The following PAX3 variants were observed in gnomAD, a reference collection of about 807,000 sequenced individuals.
PAX3 encodes the protein paired box protein Pax-3.
PAX3 carries 14 observed loss-of-function variants against 51.6 expected under a neutral mutation model. The observed-to-expected ratio is 0.27, with a 90% confidence interval of 0.18 to 0.42. PAX3 has a LOEUF of 0.42. PAX3 is among the 10% of genes least tolerant of loss of function. PAX3 has a pLI of 1.00. For synonymous variants in PAX3, 280 were observed against 253.4 expected (o/e 1.11, Z -1.00); for missense variants, 540 against 642.8 (o/e 0.84, Z 1.73).
At chr2:222,262,026 T>C (rs1693880388) in intron 4 of PAX3, among the ~76,000 whole-genome samples, 1 of 152,214 alleles carries the variant, frequency 6.6e-6, no homozygotes, top group Admixed American at 6.5e-5. Context: ...GCAGTTACTG[T>C]TCTAATTTCT....
At chr2:222,247,705 G>C (rs1291803452) in intron 4 of PAX3, among the ~76,000 whole-genome samples, 3 of 152,088 alleles carry the variant, frequency 2.0e-5, no homozygotes, top group Non-Finnish European at 2.9e-5. Flanking sequence ...ATGGTAGCTA[G>C]AGTCCTCCTA....
chr2:222,292,997 A>T (rs1695099400), intron 4 of PAX3, among the ~76,000 whole-genome samples: 1 of 152,204 alleles, frequency 6.6e-6, no homozygotes, highest in South Asian at 2.1e-4. Flanking sequence ...CAGGAGAGCC[A>T]CTGGCTGCCA....
chr2:222,258,256 T>C (rs1342102449), intron 4 of PAX3, among the ~76,000 whole-genome samples: 1 of 152,118 alleles, frequency 6.6e-6, no homozygotes. Context: ...GCCTCAATTA[T>C]TTCATCTGCA....
chr2:222,256,955 T>C (rs1430663), intron 4 of PAX3, among the ~76,000 whole-genome samples: 17,440 of 152,246 alleles, frequency 0.11, 1,221 homozygotes, highest in East Asian at 0.32. Context: ...GATAGTTTTG[T>C]ACAATAAAGC....
intron 5 of PAX3, among the ~76,000 whole-genome samples, chr2:222,223,220 G>A (rs942436231): frequency 5.3e-5 from 8 of 152,068 alleles, no homozygotes; most frequent in African/African-American, 1.2e-4. Flanking sequence ...GTCTTCTCTC[G>A]CCATTGTTGC....
chr2:222,210,568 T>C (rs923053213), intron 7 of PAX3, among the ~76,000 whole-genome samples: 2 of 152,164 alleles, frequency 1.3e-5, no homozygotes, highest in Non-Finnish European at 2.9e-5. Flanking sequence ...CCTAGCCCCA[T>C]GGAATAAAGG....
At chr2:222,218,958 A>G (rs1692078527) in intron 7 of PAX3, among the ~76,000 whole-genome samples, 1 of 152,240 alleles carries the variant, frequency 6.6e-6, no homozygotes, top group South Asian at 2.1e-4. Context: ...CCGGCTTTGA[A>G]CTTTTCAGCT....
At chr2:222,242,055 AT>A (rs2106111759) in intron 4 of PAX3, among the ~76,000 whole-genome samples, 1 of 152,260 alleles carries the variant, frequency 6.6e-6, no homozygotes, top group South Asian at 2.1e-4. Flanking sequence ...TAGCCATTTC[AT>A]TTTTTCAACA....
At chr2:222,239,563 G>A (rs1385315752) in intron 4 of PAX3, among the ~76,000 whole-genome samples, 8 of 152,044 alleles carry the variant, frequency 5.3e-5, no homozygotes, top group East Asian at 1.9e-4. Flanking sequence ...AAATTTTAAC[G>A]TGTAGCTAGA....
In PAX3 at chr2:222,290,965, T is replaced by C. The variant is rs531846478; in HGVS notation, c.586+3202A>G. Among the ~76,000 whole-genome samples the C allele has an allele frequency of 1.9e-3, 283 of 148,002 alleles. 1 individual carries two copies. Among genetic ancestry groups the C allele is most frequent in the Non-Finnish European group, 2.5e-3 (165 of 67,296 alleles). On this transcript the variant is annotated intron_variant, in intron 4 of 8. Coordinates refer to ENST00000392070, the MANE Select transcript of PAX3 (RefSeq NM_181458.4). ...GGAGAAGAAGGGGGGAGGCGGGCTG[T>C]GTCTAGATGAAAGTGAGAAGGACAT...
chr2:222,297,261 A>G, intron 1 of PAX3, 48 bp from the exon 2 acceptor site: 1 of 1,387,132 alleles, frequency 7.2e-7, no homozygotes, highest in Non-Finnish European at 1.0e-6. Flanking sequence ...ACTGGAGGAA[A>G]ATAAAAAGCA....
At chr2:222,232,666 T>C (rs1319333659) in intron 4 of PAX3, among the ~76,000 whole-genome samples, 1 of 152,200 alleles carries the variant, frequency 6.6e-6, no homozygotes, top group African/African-American at 2.4e-5. Context: ...TATGGCCCTA[T>C]GCTTACTACT....
In PAX3 at chr2:222,248,503, C is replaced by A. The variant is rs45515594; in HGVS notation, c.587-16220G>T. 6.3e-3 allele frequency among the ~76,000 whole-genome samples: 960 copies of A among 152,318 alleles called. 9 individuals carry two copies. The highest frequency in any genetic ancestry group is 0.022 in the African/African-American group (919 of 41,562). On this transcript the variant is annotated intron_variant, in intron 4 of 8. Coordinates refer to ENST00000392070, the MANE Select transcript of PAX3 (RefSeq NM_181458.4). ...GAGCATTTTGTACTTTCCATACACA[C>A]CGTGCCTTTCCTTGGTAATTAAACT...
At chr2:222,251,182 C>A (rs1452963484) in intron 4 of PAX3, among the ~76,000 whole-genome samples, 6 of 152,038 alleles carry the variant, frequency 3.9e-5, no homozygotes, top group African/African-American at 7.3e-5. Flanking sequence ...TATACATGTG[C>A]CATGTTGGTG....
intron 4 of PAX3, among the ~76,000 whole-genome samples, chr2:222,236,131 G>A (rs537460065): frequency 5.9e-5 from 9 of 152,180 alleles, no homozygotes; most frequent in African/African-American, 2.2e-4. Context: ...TTAATCTGCC[G>A]GCTAGGAAAA....
At chr2:222,213,637 C>T (rs187634989) in intron 7 of PAX3, among the ~76,000 whole-genome samples, 1 of 152,282 alleles carries the variant, frequency 6.6e-6, no homozygotes, top group East Asian at 1.9e-4. Flanking sequence ...GTTTGACACC[C>T]AACAAATTTC....
chr2:222,282,531 T>C (rs1325885057), intron 4 of PAX3, among the ~76,000 whole-genome samples: 1 of 152,164 alleles, frequency 6.6e-6, no homozygotes, highest in Non-Finnish European at 1.5e-5. Context: ...TACAAGACCA[T>C]ATTTTCTTAT....
intron 3 of PAX3, among the ~76,000 whole-genome samples, chr2:222,294,953 T>C (rs990214206): frequency 5.3e-5 from 8 of 152,160 alleles, no homozygotes; most frequent in Non-Finnish European, 8.8e-5. Flanking sequence ...CTCTGAAATA[T>C]GTTTCTCACA....
chr2:222,251,973 C>T (rs1693451037), intron 4 of PAX3, among the ~76,000 whole-genome samples: 1 of 152,108 alleles, frequency 6.6e-6, no homozygotes, highest in Admixed American at 6.5e-5. Flanking sequence ...CAAAACAATA[C>T]CTCCAAATCG....
Sources: allele counts gnomAD v4.1 joint callset (sites outside exome capture counted in the v4.1 genomes callset), GRCh38; gene constraint gnomAD v4.1.1; transcripts MANE v1.5; gene names NCBI Gene and HGNC (gene_info 2026-07-23, HGNC 2026-07-21).